DRC11: variants seen among roughly 807,000 people sequenced by gnomAD.
The protein encoded by DRC11 is dynein regulatory complex subunit 11.
the DRC11 span, among the ~76,000 whole-genome samples, chr2:236,353,435 C>G: frequency 6.6e-6 from 1 of 151,998 alleles, no homozygotes; most frequent in African/African-American, 2.4e-5. The surrounding 1 kb of genome is among the most constrained non-coding windows in gnomAD (Gnocchi z 5.0). Context: ...AAACATTCAC[C>G]ATCAGAATTA....
chr2:236,419,390 GACCCTGCAGGCC>G, the DRC11 span: 12 of 1,411,258 alleles, frequency 8.5e-6, no homozygotes, highest in Non-Finnish European at 1.1e-5. This position sits in a 1 kb window ranked among gnomAD's most constrained non-coding sequence, Gnocchi z 4.8. Context: ...CCTGGCCCTG[GACCCTGCAGGCC>G]GACCCCTTCT....
At chr2:236,501,242 A>AAATCCACCTCCGTGATCC in the DRC11 span, among the ~76,000 whole-genome samples, 3 of 152,172 alleles carry the variant, frequency 2.0e-5, no homozygotes, top group Admixed American at 2.0e-4. Flanking sequence ...ACAAAAGGGG[A>AAATCCACCTCCGTGATCC]AATCCACCTC....
At chr2:236,486,908 C>A in the DRC11 span, 1 of 1,594,576 alleles carries the variant, frequency 6.3e-7, no homozygotes, top group Non-Finnish European at 8.6e-7. This position sits in a 1 kb window ranked among gnomAD's most constrained non-coding sequence, Gnocchi z 5.7. Flanking sequence ...AACCTAAAAA[C>A]AAATAAATGG....
chr2:236,445,372 G>A, the DRC11 span, among the ~76,000 whole-genome samples: 5 of 152,026 alleles, frequency 3.3e-5, no homozygotes, highest in Middle Eastern at 3.4e-3. This position sits in a 1 kb window ranked among gnomAD's most constrained non-coding sequence, Gnocchi z 4.8. Context: ...TTGCTCTGTC[G>A]CCCAGGCTGG....
At chr2:236,498,413 C>T in the DRC11 span, among the ~76,000 whole-genome samples, 14 of 151,466 alleles carry the variant, frequency 9.2e-5, no homozygotes, top group Non-Finnish European at 1.2e-4. Flanking sequence ...TGCAGTGACC[C>T]GAAATCATGC....
the DRC11 span, among the ~76,000 whole-genome samples, chr2:236,494,549 G>A: frequency 6.6e-6 from 1 of 152,116 alleles, no homozygotes; most frequent in Admixed American, 6.5e-5. The surrounding 1 kb of genome is among the most constrained non-coding windows in gnomAD (Gnocchi z 4.2). Context: ...GTATGCCCTT[G>A]GCCAATCCCA....
chr2:236,452,193 C>T, the DRC11 span, among the ~76,000 whole-genome samples: 2 of 152,086 alleles, frequency 1.3e-5, no homozygotes, highest in African/African-American at 4.8e-5. This position sits in a 1 kb window ranked among gnomAD's most constrained non-coding sequence, Gnocchi z 4.7. Context: ...CAAGTTAAGG[C>T]CTATTAAAAA....
chr2:236,425,599 C>A, the DRC11 span, among the ~76,000 whole-genome samples: 6 of 151,872 alleles, frequency 4.0e-5, no homozygotes, highest in Non-Finnish European at 5.9e-5. Flanking sequence ...GTTGACTCTT[C>A]TCTTTTGTTT....
At chr2:236,430,903 T>C in the DRC11 span, among the ~76,000 whole-genome samples, 1 of 152,230 alleles carries the variant, frequency 6.6e-6, no homozygotes, top group South Asian at 2.1e-4. The surrounding 1 kb of genome is among the most constrained non-coding windows in gnomAD (Gnocchi z 6.0). Context: ...GAATTTATTT[T>C]GCTCCTGCTC....
chr2:236,491,238 T>TATATATAC, the DRC11 span, among the ~76,000 whole-genome samples: 1 of 65,168 alleles, frequency 1.5e-5, no homozygotes, highest in African/African-American at 7.8e-5. Flanking sequence ...TATATATATA[T>TATATATAC]ATACACAGTA....
the DRC11 span, among the ~76,000 whole-genome samples, chr2:236,473,437 G>C: frequency 6.6e-6 from 1 of 152,230 alleles, no homozygotes; most frequent in Non-Finnish European, 1.5e-5. The surrounding 1 kb of genome is among the most constrained non-coding windows in gnomAD (Gnocchi z 4.8). Flanking sequence ...CTTGCCTCAC[G>C]TTAGAATGGG....
At chr2:236,434,392 T>C in the DRC11 span, among the ~76,000 whole-genome samples, 1 of 152,256 alleles carries the variant, frequency 6.6e-6, no homozygotes, top group Non-Finnish European at 1.5e-5. This position sits in a 1 kb window ranked among gnomAD's most constrained non-coding sequence, Gnocchi z 5.5. Context: ...TTACTGCTAC[T>C]GTCAACGTTA....
At chr2:236,401,179 G>A in the DRC11 span, among the ~76,000 whole-genome samples, 5 of 152,226 alleles carry the variant, frequency 3.3e-5, no homozygotes, top group East Asian at 5.8e-4. This position sits in a 1 kb window ranked among gnomAD's most constrained non-coding sequence, Gnocchi z 4.6. Context: ...CACCTCTGGG[G>A]CCTTTGCCCT....
chr2:236,463,097 A>T, the DRC11 span, among the ~76,000 whole-genome samples: 1 of 152,214 alleles, frequency 6.6e-6, no homozygotes, highest in Non-Finnish European at 1.5e-5. This position sits in a 1 kb window ranked among gnomAD's most constrained non-coding sequence, Gnocchi z 5.0. Flanking sequence ...TGGTATTTTA[A>T]AGAACGAAAG....
chr2:236,434,512 T>C, the DRC11 span, among the ~76,000 whole-genome samples: 1 of 152,180 alleles, frequency 6.6e-6, no homozygotes, highest in Non-Finnish European at 1.5e-5. This position sits in a 1 kb window ranked among gnomAD's most constrained non-coding sequence, Gnocchi z 5.5. Flanking sequence ...GAGGTAGACG[T>C]TGCTAGTAAT....
At chr2:236,341,277 C>A in the DRC11 span, among the ~76,000 whole-genome samples, 1 of 152,224 alleles carries the variant, frequency 6.6e-6, no homozygotes, top group East Asian at 1.9e-4. Context: ...GCAGCCCGTG[C>A]GCCTCATTCT....
chr2:236,408,666 T>G, the DRC11 span: 4 of 722,060 alleles, frequency 5.5e-6, no homozygotes, highest in East Asian at 7.7e-5. This position sits in a 1 kb window ranked among gnomAD's most constrained non-coding sequence, Gnocchi z 5.5. Context: ...ATTCTGCCAT[T>G]TCTTGCAGTA....
At chr2:236,499,491 C>T in the DRC11 span, among the ~76,000 whole-genome samples, 1 of 152,210 alleles carries the variant, frequency 6.6e-6, no homozygotes, top group African/African-American at 2.4e-5. The surrounding 1 kb of genome is among the most constrained non-coding windows in gnomAD (Gnocchi z 4.7). Context: ...TGCAGTGGCA[C>T]GATCTTGGCT....
At chr2:236,437,627 T>C in the DRC11 span, among the ~76,000 whole-genome samples, 1 of 149,916 alleles carries the variant, frequency 6.7e-6, no homozygotes, top group Non-Finnish European at 1.5e-5. Context: ...TTTTAATGAT[T>C]GCCATTCTAA....
Sources: gnomAD v4.1 joint callset for allele counts (sites outside exome capture counted in the v4.1 genomes callset) on GRCh38, gnomAD v4.1.1 for gene constraint, Gnocchi (gnomAD v3.1) non-coding constraint, MANE v1.5 for transcripts, NCBI Gene and HGNC (gene_info 2026-07-23, HGNC 2026-07-21) for gene names.